Variants in SIM2 observed in about 807,000 individuals in gnomAD.
SIM2 encodes SIM bHLH transcription factor 2.
In SIM2, 28 loss-of-function variants were observed where a neutral mutation model predicts 64.8. That is an observed-to-expected ratio of 0.43 (90% CI 0.32 to 0.59). The LOEUF is 0.59. Among genes scored for constraint, SIM2 ranks in the 20% least tolerant of loss-of-function variants. The pLI, the probability that SIM2 is intolerant of heterozygous loss-of-function variation, is 0.07. For missense variants in SIM2, 847 were observed against 871.4 expected (o/e 0.97, Z 0.35); for synonymous variants, 408 against 391.1 (o/e 1.04, Z -0.51).
intron 1 of SIM2, among the ~76,000 whole-genome samples, chr21:36,702,111 C>A (rs2088508426): frequency 6.6e-6 from 1 of 152,190 alleles, no homozygotes; most frequent in African/African-American, 2.4e-5. Context: ...CACCTTTAAA[C>A]CGGCTCTGTG....
Position 36,748,732 on chromosome 21 carries a change from T to C in SIM2, c.*640T>C, listed in dbSNP as rs896400449. On this transcript the variant is annotated 3_prime_UTR_variant, in exon 11 of 11. Transcript: ENST00000290399. The stretch of plus-strand genomic sequence containing the variant: ...TCCATTTTGTGTCTGTGAACATAGG[T>C]GTGCTTCCCAAATACATTAACAAGC... The C allele has an allele frequency of 2.0e-5, 3 of 152,666 alleles. No individual in the cohort carries two copies. Among genetic ancestry groups the C allele is most frequent in the South Asian group, 2.1e-4 (1 of 4,828 alleles). The allele number at this position is 152,666 out of a possible 1,614,324, so 9.5% of individuals were successfully genotyped here. A position where few individuals can be genotyped will look rare whatever the true frequency, so the allele number is the denominator to read the frequency against.
At chr21:36,704,552 G>A (rs1601684031) in intron 1 of SIM2, among the ~76,000 whole-genome samples, 1 of 152,212 alleles carries the variant, frequency 6.6e-6, no homozygotes, top group African/African-American at 2.4e-5. Flanking sequence ...GAAGTGGAGC[G>A]CGCGCTGCAG....
chr21:36,702,359 G>A (rs1459129337), intron 1 of SIM2, among the ~76,000 whole-genome samples: 1 of 152,210 alleles, frequency 6.6e-6, no homozygotes, highest in Non-Finnish European at 1.5e-5. Context: ...AACCTGTTCG[G>A]TCCCCCTCGG....
chr21:36,741,888 CT>C (rs1568940996), intron 8 of SIM2, 24 bp downstream of exon 8: 1 of 1,532,756 alleles, frequency 6.5e-7, no homozygotes, highest in African/African-American at 1.4e-5. Context: ...ATTTGTTTCT[CT>C]CCTTGCTCTT....
intron 8 of SIM2, among the ~76,000 whole-genome samples, chr21:36,742,749 G>A (rs925294657): frequency 2.0e-5 from 3 of 152,190 alleles, no homozygotes; most frequent in Non-Finnish European, 4.4e-5. Context: ...TTAGGCTCTA[G>A]GTTTGTTCAT....
intron 2 of SIM2, among the ~76,000 whole-genome samples, chr21:36,710,892 G>A (rs1318530984): frequency 2.6e-5 from 4 of 152,200 alleles, no homozygotes; most frequent in Non-Finnish European, 4.4e-5. Context: ...CGAGCTGGGT[G>A]TGTTGCAAGT....
At chr21:36,709,454 A>G in intron 2 of SIM2, 1 of 689,066 alleles carries the variant, frequency 1.5e-6, no homozygotes, top group Non-Finnish European at 2.6e-6. Flanking sequence ...CCCTAACCCT[A>G]CGTCTGCCCC....
chr21:36,718,095 C>T (rs1245469194), intron 3 of SIM2, among the ~76,000 whole-genome samples: 1 of 152,072 alleles, frequency 6.6e-6, no homozygotes, highest in Non-Finnish European at 1.5e-5. Flanking sequence ...AGGAAACATT[C>T]CATGAATAAT....
In SIM2 at chr21:36,709,181, G is replaced by A. The variant is rs747315065; in HGVS notation, c.189G>A (p.Ala63=). The change falls in exon 2 of 11, where the codon GCG becomes GCA. Residue 63 remains alanine, a synonymous_variant. Coordinates refer to ENST00000290399, the MANE Select transcript of SIM2 (RefSeq NM_005069.6). ...RAVFPEGLGD[A]WGQPSRAGPL... is the part of the protein sequence containing the mutation. ...TCCCTCGTCCAGGTTTAGGAGACGC[G>A]TGGGGACAGCCGAGCCGCGCCGGGC... The A allele has an allele frequency of 5.0e-5, 81 of 1,609,420 alleles. No homozygotes were observed. The highest frequency in any genetic ancestry group is 6.7e-5 in the Non-Finnish European group (79 of 1,178,598).
intron 4 of SIM2, among the ~76,000 whole-genome samples, chr21:36,722,476 G>T (rs2088835917): frequency 6.6e-6 from 1 of 152,202 alleles, no homozygotes; most frequent in South Asian, 2.1e-4. Flanking sequence ...TTGTGTCTTA[G>T]AGTGCTGGTG....
intron 8 of SIM2, among the ~76,000 whole-genome samples, chr21:36,743,119 C>T (rs544910951): frequency 5.3e-5 from 8 of 152,310 alleles, no homozygotes; most frequent in African/African-American, 1.4e-4. Flanking sequence ...TCATGGCCCA[C>T]GACCTCCCCG....
chr21:36,712,725 C>A, intron 3 of SIM2, 103 bp downstream of exon 3: 1 of 759,938 alleles, frequency 1.3e-6, no homozygotes. Flanking sequence ...TAAGTGTTTG[C>A]TTTTGTGTAA....
chr21:36,731,180 G>T (rs1454224012), intron 7 of SIM2, 29 bp downstream of exon 7: 1 of 1,564,556 alleles, frequency 6.4e-7, no homozygotes, highest in Non-Finnish European at 8.8e-7. Flanking sequence ...CCAGCCACGG[G>T]AGGTAGCTGG....
chr21:36,740,148 A>G (rs2089143366), intron 7 of SIM2, among the ~76,000 whole-genome samples: 2 of 146,426 alleles, frequency 1.4e-5, no homozygotes, highest in African/African-American at 5.1e-5. Flanking sequence ...CTTTCTCACC[A>G]TTTTCAGTGT....
rs954835073 is a variant in SIM2 at position 36,748,691 on chromosome 21, G to T, written c.*599G>T. Reference sequence around the variant, plus strand: ...AAAAAGCCAACAAACCAAGACTAAGGGGGTGACCATGCAATTCCATTTTGT... The same window carrying T: ...AAAAAGCCAACAAACCAAGACTAAGTGGGTGACCATGCAATTCCATTTTGT... On this transcript the variant is annotated 3_prime_UTR_variant, in exon 11 of 11. Coordinates refer to ENST00000290399, the MANE Select transcript of SIM2 (RefSeq NM_005069.6). 6.6e-6 allele frequency: 1 copy of T among 152,536 alleles called. No homozygotes were observed. The highest frequency in any genetic ancestry group is 1.5e-5 in the Non-Finnish European group (1 of 68,040). The allele number at this position is 152,536 out of a possible 1,614,324, so 9.4% of individuals were successfully genotyped here.
At chr21:36,733,066 C>A (rs2088992296) in intron 7 of SIM2, among the ~76,000 whole-genome samples, 2 of 152,270 alleles carry the variant, frequency 1.3e-5, no homozygotes, top group African/African-American at 4.8e-5. Context: ...AAAGCCCCAG[C>A]CCTGGGGGGT....
intron 6 of SIM2, among the ~76,000 whole-genome samples, chr21:36,730,590 A>C (rs558516247): frequency 2.6e-5 from 4 of 152,300 alleles, no homozygotes; most frequent in Non-Finnish European, 5.9e-5. Flanking sequence ...AATACCACTG[A>C]ATTGTACACT....
chr21:36,711,448 G>C lies in SIM2; in HGVS notation c.259-1085G>C, dbSNP rs1299750303. ...CTTAGCATCGGGGAAGGTAATGATAGTTTAGTTGGCAAAGACTTTTTGCAG... is the reference window on the plus strand; with the variant it reads ...CTTAGCATCGGGGAAGGTAATGATACTTTAGTTGGCAAAGACTTTTTGCAG... On this transcript the variant is annotated intron_variant, in intron 2 of 10. Transcript: ENST00000290399. 2.0e-5 allele frequency among the ~76,000 whole-genome samples: 3 copies of C among 152,206 alleles called. 1 individual carries two copies. Among genetic ancestry groups the C allele is most frequent in the South Asian group, 4.1e-4 (2 of 4,830 alleles).
intron 3 of SIM2, 60 bp downstream of exon 3, chr21:36,712,682 G>T: frequency 8.6e-7 from 1 of 1,157,252 alleles, no homozygotes; most frequent in South Asian, 1.3e-5. Context: ...AGCAGATTTT[G>T]ACAGCCTCAC....
Sources: gnomAD v4.1 joint callset for allele counts (sites outside exome capture counted in the v4.1 genomes callset) on GRCh38, gnomAD v4.1.1 for gene constraint, MANE v1.5 for transcripts, NCBI Gene and HGNC (gene_info 2026-07-23, HGNC 2026-07-21) for gene names.